Variants in PLXNA4 observed in about 807,000 individuals in gnomAD.
PLXNA4 encodes the protein plexin A4, also known as plexin-A4.
In PLXNA4, 44 loss-of-function variants were observed where a neutral mutation model predicts 191.8. The ratio of observed to expected loss-of-function variants is 0.23; its 90% CI spans 0.18 to 0.29. The LOEUF is 0.29. Among genes scored for constraint, PLXNA4 ranks in the 10% least tolerant of loss-of-function variants. The pLI is 1.00. For synonymous variants in PLXNA4, 1,082 were observed against 1,009.5 expected, an observed-to-expected ratio of 1.07 and a Z score of -1.36; for missense variants, 1,800 against 2,488.8, an observed-to-expected ratio of 0.72 and a Z score of 5.89.
intron 2 of PLXNA4, among the ~76,000 whole-genome samples, chr7:132,627,707 C>T (rs1255261186): frequency 2.6e-5 from 4 of 152,188 alleles, no homozygotes; most frequent in African/African-American, 9.7e-5. Flanking sequence ...TGTGAAGGCA[C>T]AGTATTTGCT....
chr7:132,600,683 T>C (rs989377460), intron 2 of PLXNA4, among the ~76,000 whole-genome samples: 2 of 152,182 alleles, frequency 1.3e-5, no homozygotes, highest in Non-Finnish European at 2.9e-5. Context: ...TCTCATTTTT[T>C]CCTTGTACCA....
chr7:132,507,648 G>T lies in PLXNA4; in HGVS notation c.1046C>A (p.Ser349Tyr). 6.2e-7 allele frequency: 1 copy of T among 1,614,216 alleles called. No homozygotes were observed. Among genetic ancestry groups the T allele is most frequent in the Non-Finnish European group, 8.5e-7 (1 of 1,180,044 alleles). Residue 349 changes from serine to tyrosine, a missense_variant, in exon 2 of 32, where the codon TCC (serine) becomes TAC (tyrosine). Ser to Tyr is a moderately radical substitution (Grantham distance 144, BLOSUM62 -2). Transcript: ENST00000321063. The stretch of plus-strand genomic sequence containing the variant: ...GATGCACAGGGCCGACTCATCCAGG[G>T]ATTTCATTTTCCGCTTCTGGCCCTT... The part of the protein sequence containing the change: ...FSKGQKRKMK[S>Y]LDESALCIFI...
intron 2 of PLXNA4, among the ~76,000 whole-genome samples, chr7:132,596,903 G>A (rs1406422238): frequency 3.4e-5 from 5 of 147,706 alleles, no homozygotes; most frequent in African/African-American, 9.9e-5. Context: ...GTTTTAAAAT[G>A]ATTCACCTCC....
chr7:132,490,940 C>T (rs1415915221), intron 2 of PLXNA4, among the ~76,000 whole-genome samples: 1 of 152,096 alleles, frequency 6.6e-6, no homozygotes, highest in Non-Finnish European at 1.5e-5. Context: ...AACAGAGGGT[C>T]TCAGCTGGGC....
At chr7:132,190,580 C>T (rs548464390) in intron 14 of PLXNA4, among the ~76,000 whole-genome samples, 13 of 152,256 alleles carry the variant, frequency 8.5e-5, no homozygotes, top group South Asian at 6.2e-4. Flanking sequence ...CTCCTGTGTC[C>T]GGAGGTTTAG....
At chr7:132,252,423 T>G (rs1433504717) in intron 4 of PLXNA4, among the ~76,000 whole-genome samples, 3 of 146,424 alleles carry the variant, frequency 2.0e-5, no homozygotes, top group Non-Finnish European at 4.5e-5. Context: ...GCGATTCTCC[T>G]GCCTCAGCCT....
intron 3 of PLXNA4, among the ~76,000 whole-genome samples, chr7:132,375,285 C>G (rs1319891503): frequency 7.9e-5 from 12 of 152,066 alleles, no homozygotes; most frequent in African/African-American, 1.4e-4. Context: ...CCATCCCGCC[C>G]CCCCCCACGC....
chr7:132,159,531 A>G lies in PLXNA4; in HGVS notation c.4602T>C (p.Asp1534=). ...AGCAAGGCACATTCTTGAAGATGGC[A>G]TCCAGAATCTTCTCCTTGACCTGAG... ...TITQVKEKIL[D]AIFKNVPCSH... The change falls in exon 25 of 32, where the codon GAT becomes GAC. Residue 1534 remains aspartate, a synonymous_variant. Transcript: ENST00000321063. 1.2e-6 allele frequency: 2 copies of G among 1,614,160 alleles called. No individual in the cohort carries two copies. The highest frequency in any genetic ancestry group is 1.3e-5 in the African/African-American group (1 of 75,052).
At chr7:132,387,183 A>C (rs1334867965) in intron 3 of PLXNA4, among the ~76,000 whole-genome samples, 1 of 152,238 alleles carries the variant, frequency 6.6e-6, no homozygotes, top group African/African-American at 2.4e-5. Flanking sequence ...TTCAAGGACC[A>C]AGATCATCAT....
chr7:132,328,510 T>G (rs1392121743), intron 3 of PLXNA4, among the ~76,000 whole-genome samples: 1 of 152,142 alleles, frequency 6.6e-6, no homozygotes, highest in Non-Finnish European at 1.5e-5. Context: ...CCACCTCTGT[T>G]CCAGTGGAAT....
intron 4 of PLXNA4, among the ~76,000 whole-genome samples, chr7:132,272,973 T>C (rs900058626): frequency 6.6e-6 from 1 of 152,170 alleles, no homozygotes. Context: ...CTTTCAATAA[T>C]CATGAATGCT....
chr7:132,394,207 T>C (rs908759638), intron 3 of PLXNA4, among the ~76,000 whole-genome samples: 79 of 152,140 alleles, frequency 5.2e-4, no homozygotes, highest in Non-Finnish European at 1.0e-3. Flanking sequence ...CCGAGTTTCC[T>C]CTGAAGCGGG....
At chr7:132,423,054 C>G in intron 3 of PLXNA4, among the ~76,000 whole-genome samples, 1 of 152,164 alleles carries the variant, frequency 6.6e-6, no homozygotes, top group Non-Finnish European at 1.5e-5. Context: ...CCCGCTAGCC[C>G]CTTGGGGTGG....
intron 31 of PLXNA4, among the ~76,000 whole-genome samples, chr7:132,132,496 TTTTCTATTCTA>T (rs1239253239): frequency 0.096 from 3,034 of 31,664 alleles, 110 homozygotes; most frequent in Non-Finnish European, 0.12. Flanking sequence ...TGCTCTATTC[TTTTCTATTCTA>T]TTCTATTCTA....
At chr7:132,563,411 TCC>T (rs1801460138) in intron 1 of PLXNA4, among the ~76,000 whole-genome samples, 1 of 15,844 alleles carries the variant, frequency 6.3e-5, no homozygotes, top group Non-Finnish European at 1.1e-4. Flanking sequence ...CCTCCTCCTC[TCC>T]CTCCTCCTCC....
chr7:132,397,533 G>A (rs1793816039), intron 3 of PLXNA4, among the ~76,000 whole-genome samples: 2 of 152,330 alleles, frequency 1.3e-5, no homozygotes, highest in Admixed American at 1.3e-4. Context: ...AAGACCCAAA[G>A]AGGTGAGCAG....
chr7:132,582,962 G>A (rs759506073), intron 2 of PLXNA4, among the ~76,000 whole-genome samples: 4 of 152,134 alleles, frequency 2.6e-5, no homozygotes, highest in Non-Finnish European at 4.4e-5. Context: ...TCAGAGCTCC[G>A]GGGTTAAACC....
chr7:132,151,771 A>G (rs918251279), intron 25 of PLXNA4, among the ~76,000 whole-genome samples: 5 of 152,162 alleles, frequency 3.3e-5, no homozygotes, highest in South Asian at 4.1e-4. Flanking sequence ...GGCTTTCAGG[A>G]AAGAAGCAAG....
intron 2 of PLXNA4, among the ~76,000 whole-genome samples, chr7:132,496,808 A>G (rs1798034168): frequency 6.6e-6 from 1 of 152,078 alleles, no homozygotes; most frequent in Admixed American, 6.5e-5. Flanking sequence ...GGAAGAGACT[A>G]TGTGTCCAGT....
Sources: gnomAD v4.1 joint callset for allele counts (sites outside exome capture counted in the v4.1 genomes callset) on GRCh38, gnomAD v4.1.1 for gene constraint, MANE v1.5 for transcripts, NCBI Gene and HGNC (gene_info 2026-07-23, HGNC 2026-07-21) for gene names.